PALM2AKAP2: variants seen among roughly 807,000 people sequenced by gnomAD.
PALM2AKAP2 encodes PALM2-AKAP2 fusion protein.
In PALM2AKAP2, 37 loss-of-function variants were observed where a neutral mutation model predicts 71.5. That is an observed-to-expected ratio of 0.52 (90% confidence interval 0.40 to 0.68). PALM2AKAP2 has a LOEUF of 0.68. PALM2AKAP2 is among the 30% of genes least tolerant of loss of function. The pLI is 0.00. For missense variants in PALM2AKAP2, 1,224 were observed against 1,191.8 expected (o/e 1.03, Z -0.40); for synonymous variants, 468 against 478.8 (o/e 0.98, Z 0.29).
intron 1 of PALM2AKAP2, among the ~76,000 whole-genome samples, chr9:109,698,791 T>A (rs918525685): frequency 3.3e-5 from 5 of 152,204 alleles, no homozygotes; most frequent in Non-Finnish European, 7.3e-5. Flanking sequence ...TAATGATTCC[T>A]GTGATGTGCC....
chr9:110,092,325 C>G (rs951678637), intron 1 of PALM2AKAP2, among the ~76,000 whole-genome samples: 5 of 151,762 alleles, frequency 3.3e-5, no homozygotes, highest in Admixed American at 2.0e-4. Context: ...GAGTGAGACT[C>G]CGCCTCAAAA....
intron 1 of PALM2AKAP2, among the ~76,000 whole-genome samples, chr9:109,734,314 G>T (rs1006777968): frequency 5.3e-5 from 8 of 151,936 alleles, no homozygotes; most frequent in African/African-American, 1.9e-4. Flanking sequence ...CATCATAACT[G>T]GCATCTTGCA....
chr9:110,032,740 A>AAAAT (rs977781335), intron 7 of PALM2AKAP2, among the ~76,000 whole-genome samples: 2 of 140,230 alleles, frequency 1.4e-5, no homozygotes, highest in African/African-American at 5.3e-5. Context: ...ATAAATAAAT[A>AAAAT]AAATAAAAAA....
intron 6 of PALM2AKAP2, among the ~76,000 whole-genome samples, chr9:110,011,461 G>C (rs1252794300): frequency 6.6e-6 from 1 of 152,110 alleles, no homozygotes; most frequent in African/African-American, 2.4e-5. Context: ...ACTCAAACAT[G>C]AAAGCTGATG....
At chr9:109,747,724 C>G (rs1004915043) in intron 1 of PALM2AKAP2, among the ~76,000 whole-genome samples, 2 of 151,930 alleles carry the variant, frequency 1.3e-5, no homozygotes, top group African/African-American at 2.4e-5. Flanking sequence ...GGTTGGAGTA[C>G]AGTGGCATGA....
chr9:109,992,132 A>C (rs1033796784), intron 6 of PALM2AKAP2, among the ~76,000 whole-genome samples: 3 of 152,126 alleles, frequency 2.0e-5, no homozygotes, highest in Admixed American at 6.6e-5. Context: ...TGGTAGGGCT[A>C]TACTCTCTCT....
intron 7 of PALM2AKAP2, among the ~76,000 whole-genome samples, chr9:110,033,763 A>G (rs1168709348): frequency 6.6e-6 from 1 of 152,240 alleles, no homozygotes; most frequent in East Asian, 1.9e-4. Context: ...AGAATTAGTC[A>G]AGAATGGACC....
chr9:110,061,647 A>ATATATG (rs1564285022), intron 1 of PALM2AKAP2, among the ~76,000 whole-genome samples: 2 of 148,758 alleles, frequency 1.3e-5, no homozygotes, highest in Admixed American at 1.3e-4. Flanking sequence ...TTATATATAT[A>ATATATG]TGTGTGTGTG....
intron 2 of PALM2AKAP2, among the ~76,000 whole-genome samples, chr9:110,149,334 C>T (rs1204464125): frequency 4.6e-5 from 7 of 152,190 alleles, no homozygotes; most frequent in East Asian, 3.8e-4. Context: ...GGGTATGCAC[C>T]GCCTGGGATG....
At chr9:110,053,976 A>G (rs984791031) in intron 1 of PALM2AKAP2, among the ~76,000 whole-genome samples, 4 of 152,240 alleles carry the variant, frequency 2.6e-5, no homozygotes, top group Admixed American at 2.0e-4. Flanking sequence ...AAGGCCAAAT[A>G]CGCAGATATT....
At chr9:109,825,157 T>G (rs541032644) in intron 1 of PALM2AKAP2, among the ~76,000 whole-genome samples, 1 of 152,236 alleles carries the variant, frequency 6.6e-6, no homozygotes, top group Non-Finnish European at 1.5e-5. Context: ...TGGCTAGCCA[T>G]ATGTAGAAAG....
chr9:109,820,789 G>A (rs959158850), intron 1 of PALM2AKAP2, among the ~76,000 whole-genome samples: 11 of 152,304 alleles, frequency 7.2e-5, no homozygotes, highest in African/African-American at 1.2e-4. Flanking sequence ...GCACTGGAGT[G>A]GATATGACCT....
intron 1 of PALM2AKAP2, among the ~76,000 whole-genome samples, chr9:109,652,174 C>A (rs904710614): frequency 6.6e-6 from 1 of 152,130 alleles, no homozygotes; most frequent in African/African-American, 2.4e-5. Flanking sequence ...AATCCACTGA[C>A]TTTTATATAG....
intron 1 of PALM2AKAP2, among the ~76,000 whole-genome samples, chr9:109,774,966 A>T (rs555636271): frequency 2.2e-4 from 33 of 152,358 alleles, no homozygotes; most frequent in African/African-American, 7.5e-4. Context: ...ACCACTCTGG[A>T]CCAACATCTG....
At chr9:109,912,682 G>A (rs1257067918) in intron 3 of PALM2AKAP2, among the ~76,000 whole-genome samples, 1 of 152,118 alleles carries the variant, frequency 6.6e-6, no homozygotes, top group South Asian at 2.1e-4. Flanking sequence ...AGATAGGACA[G>A]ATAGATTGCT....
intron 6 of PALM2AKAP2, among the ~76,000 whole-genome samples, chr9:109,994,897 T>C (rs572859261): frequency 6.6e-6 from 1 of 152,342 alleles, no homozygotes; most frequent in South Asian, 2.1e-4. Flanking sequence ...TCAGGGGCTC[T>C]CTTGTTCTAT....
intron 3 of PALM2AKAP2, among the ~76,000 whole-genome samples, chr9:109,881,512 C>T (rs1273780889): frequency 6.6e-6 from 1 of 152,178 alleles, no homozygotes; most frequent in African/African-American, 2.4e-5. Context: ...TGAGTGAGAG[C>T]ACCTCTGTAG....
intron 1 of PALM2AKAP2, among the ~76,000 whole-genome samples, chr9:109,772,893 C>T (rs1339025097): frequency 4.6e-5 from 7 of 152,076 alleles, no homozygotes; most frequent in African/African-American, 1.4e-4. Flanking sequence ...CCGAAGCGGG[C>T]GGATCACGAG....
chr9:109,929,727 G>T (rs904655282), intron 5 of PALM2AKAP2, among the ~76,000 whole-genome samples: 19 of 151,952 alleles, frequency 1.3e-4, no homozygotes, highest in African/African-American at 1.7e-4. Flanking sequence ...AGCCGGGTGT[G>T]GTGGTGGGCG....
Sources: allele counts gnomAD v4.1 joint callset (sites outside exome capture counted in the v4.1 genomes callset), GRCh38; gene constraint gnomAD v4.1.1; transcripts MANE v1.5; gene names NCBI Gene and HGNC (gene_info 2026-07-23, HGNC 2026-07-21).